KANSL2: variants seen among roughly 807,000 people sequenced by gnomAD.
The protein encoded by KANSL2 is KAT8 regulatory NSL complex subunit 2.
A neutral mutation model predicts 55.6 loss-of-function variants in KANSL2; 34 were observed. That is an observed-to-expected ratio of 0.61 (90% CI 0.46 to 0.81). KANSL2 has a LOEUF of 0.81. Among genes scored for constraint, KANSL2 ranks in the 40% least tolerant of loss-of-function variants. The pLI is 0.00. For missense variants in KANSL2, 502 were observed against 609.9 expected (o/e 0.82, Z 1.86); for synonymous variants, 209 against 214.3 (o/e 0.98, Z 0.22).
intron 8 of KANSL2, among the ~76,000 whole-genome samples, chr12:48,659,049 T>A (rs1257044752): frequency 2.0e-5 from 3 of 152,156 alleles, no homozygotes; most frequent in African/African-American, 7.2e-5. Flanking sequence ...ATCCCAGCAC[T>A]TTGGGAGGCC....
intron 6 of KANSL2, among the ~76,000 whole-genome samples, chr12:48,668,875 T>C (rs988144843): frequency 4.6e-5 from 7 of 151,202 alleles, no homozygotes; most frequent in Non-Finnish European, 1.0e-4. Context: ...CCCCAAAAAA[T>C]ACAAAAACAT....
intron 8 of KANSL2, among the ~76,000 whole-genome samples, chr12:48,659,622 TAA>T (rs999302459): frequency 1.4e-5 from 2 of 145,218 alleles, no homozygotes; most frequent in South Asian, 2.2e-4. Flanking sequence ...GACCCCAATT[TAA>T]AAAAAAAAAA....
chr12:48,667,520 T>C (rs376712725), intron 7 of KANSL2, 173 bp downstream of exon 7: 145 of 739,318 alleles, frequency 2.0e-4, no homozygotes, highest in Middle Eastern at 2.3e-4. Flanking sequence ...CAACAGACCA[T>C]AGAAAGACAA....
chr12:48,662,927 C>A (rs1939515748), intron 7 of KANSL2, among the ~76,000 whole-genome samples: 1 of 152,322 alleles, frequency 6.6e-6, no homozygotes, highest in Non-Finnish European at 1.5e-5. Context: ...AGGGCATTCA[C>A]AACCACACCA....
At chr12:48,657,481 T>C (rs1488128328) in intron 8 of KANSL2, among the ~76,000 whole-genome samples, 3 of 151,926 alleles carry the variant, frequency 2.0e-5, no homozygotes, top group East Asian at 1.9e-4. Context: ...GGGCACAGGA[T>C]ACACTCAACC....
chr12:48,661,237 T>A (rs1023490751), intron 7 of KANSL2: 27 of 972,736 alleles, frequency 2.8e-5, no homozygotes, highest in Non-Finnish European at 3.1e-5. Context: ...GGAATCCTTT[T>A]ATGATCCTAA....
At chr12:48,671,232 T>A (rs1327395027) in intron 5 of KANSL2, among the ~76,000 whole-genome samples, 1 of 145,636 alleles carries the variant, frequency 6.9e-6, no homozygotes, top group Non-Finnish European at 1.5e-5. Context: ...GCCACTGCAC[T>A]CCAGCCTGGG....
chr12:48,680,356 G>A (rs191048187), intron 2 of KANSL2, among the ~76,000 whole-genome samples: 23 of 152,114 alleles, frequency 1.5e-4, no homozygotes, highest in Admixed American at 1.3e-3. Context: ...TATGCCCAGC[G>A]AGTTTTTTAA....
At chr12:48,675,673 T>G (rs1939807918) in intron 4 of KANSL2, among the ~76,000 whole-genome samples, 1 of 152,192 alleles carries the variant, frequency 6.6e-6, no homozygotes, top group Non-Finnish European at 1.5e-5. Flanking sequence ...CTATTAGAAG[T>G]TATTAGAAAT....
At chr12:48,656,531 C>CA (rs978621122) in intron 8 of KANSL2, 17 of 334,210 alleles carry the variant, frequency 5.1e-5, no homozygotes, top group African/African-American at 3.3e-4. Context: ...CTCAGCCTCC[C>CA]AAAGTGCTGG....
chr12:48,672,906 C>T (rs1939753080), intron 4 of KANSL2, among the ~76,000 whole-genome samples: 1 of 151,934 alleles, frequency 6.6e-6, no homozygotes, highest in Non-Finnish European at 1.5e-5. Context: ...TTACAGGCAC[C>T]TACCACCACG....
intron 5 of KANSL2, 93 bp from the exon 6 acceptor site, chr12:48,669,365 A>G: frequency 1.0e-6 from 1 of 1,002,870 alleles, no homozygotes; most frequent in Non-Finnish European, 1.4e-6. Context: ...CCTTGGGCAT[A>G]AGATAGGCAG....
At chr12:48,658,231 AAAT>A (rs1939427370) in intron 8 of KANSL2, among the ~76,000 whole-genome samples, 3 of 152,108 alleles carry the variant, frequency 2.0e-5, no homozygotes, top group Admixed American at 6.5e-5. Flanking sequence ...ACTCTGTCAA[AAAT>A]AATAATGACT....
intron 2 of KANSL2, among the ~76,000 whole-genome samples, chr12:48,680,718 T>C (rs1006027191): frequency 5.3e-5 from 8 of 152,260 alleles, no homozygotes; most frequent in South Asian, 2.1e-4. Flanking sequence ...GGCTCACTCC[T>C]GTAATCCCAA....
chr12:48,672,436 T>TG lies in KANSL2; in HGVS notation c.546-475_546-474insC, dbSNP rs1939742890. 4.5e-4 allele frequency among the ~76,000 whole-genome samples: 65 copies of TG among 143,300 alleles called. 1 individual carries two copies. In the South Asian group the frequency reaches 0.014, roughly 31 times the overall value. The allele number at this position is 143,300 out of a possible 152,430, so 94.0% of individuals were successfully genotyped here. On this transcript the variant is annotated intron_variant, in intron 4 of 9. Transcript: ENST00000420613. ...ATATATATATATATATATATATATTTTTTTTTTGAGATAAGGTCTCACTCT... is the reference window on the plus strand; with the variant it reads ...ATATATATATATATATATATATATTTGTTTTTTTGAGATAAGGTCTCACTCT...
chr12:48,682,228 C>G lies in KANSL2; in HGVS notation c.-51G>C, dbSNP rs923245879. 4.7e-6 allele frequency: 3 copies of G among 633,314 alleles called. No individual in the cohort carries two copies. The highest frequency in any genetic ancestry group is 3.5e-5 in the South Asian group (2 of 56,802). The allele number at this position is 633,314 out of a possible 1,614,324, so 39.2% of individuals were successfully genotyped here. On this transcript the variant is annotated 5_prime_UTR_variant, in exon 1 of 10. Coordinates refer to ENST00000420613, the MANE Select transcript of KANSL2 (RefSeq NM_017822.4). ...CGCCGCACTCTGCCGCGCCGCTCGC[C>G]CTTCTCTAGTGGCGCCAGCGGCTCT...
chr12:48,677,977 C>T (rs529012394), intron 4 of KANSL2, among the ~76,000 whole-genome samples: 1 of 152,096 alleles, frequency 6.6e-6, no homozygotes, highest in South Asian at 2.1e-4. Flanking sequence ...ACTCAGAAAA[C>T]GTAACCCTAA....
At chr12:48,681,265 C>T in intron 2 of KANSL2, 117 bp downstream of exon 2, 1 of 1,246,794 alleles carries the variant, frequency 8.0e-7, no homozygotes. Flanking sequence ...AGGATACAAC[C>T]ATAACCCCAA....
chr12:48,654,586 G>A (rs1565603016), intron 9 of KANSL2: 4 of 575,786 alleles, frequency 6.9e-6, no homozygotes, highest in Non-Finnish European at 6.9e-6. Context: ...TCTACAATGA[G>A]AACAATTTCA....
Sources: gnomAD v4.1 joint callset for allele counts (sites outside exome capture counted in the v4.1 genomes callset) on GRCh38, gnomAD v4.1.1 for gene constraint, MANE v1.5 for transcripts, NCBI Gene and HGNC (gene_info 2026-07-23, HGNC 2026-07-21) for gene names.